The following GALNT17 variants were observed in gnomAD, a reference collection of about 807,000 sequenced individuals.
The protein encoded by GALNT17 is UDP-GalNAc:polypeptide N-acetylgalactosaminyltransferase-like 3.
In GALNT17, 29 loss-of-function variants were observed where a neutral mutation model predicts 63.7. That is an observed-to-expected ratio of 0.46 (90% CI 0.34 to 0.62). The LOEUF (loss-of-function observed/expected upper bound fraction) is 0.62, where lower values mean the gene tolerates loss of function less well. Among genes scored for constraint, GALNT17 ranks in the 20% least tolerant of loss-of-function variants. The pLI is 0.01. For missense variants in GALNT17, 603 were observed against 799.6 expected, an observed-to-expected ratio of 0.75 and a Z score of 2.97; for synonymous variants, 305 against 318.3, an observed-to-expected ratio of 0.96 and a Z score of 0.45.
At chr7:71,424,910 C>T (rs1786730975) in intron 5 of GALNT17, among the ~76,000 whole-genome samples, 1 of 152,174 alleles carries the variant, frequency 6.6e-6, no homozygotes, top group Non-Finnish European at 1.5e-5. Context: ...TCCCGGTAAG[C>T]AACATAATAT....
chr7:71,282,002 C>G (rs961523661), intron 1 of GALNT17, among the ~76,000 whole-genome samples: 5 of 152,176 alleles, frequency 3.3e-5, no homozygotes, highest in African/African-American at 1.2e-4. Context: ...TGTGTTAACT[C>G]TTTCTTCCTC....
intron 1 of GALNT17, among the ~76,000 whole-genome samples, chr7:71,233,167 C>T (rs765935451): frequency 2.6e-5 from 4 of 152,192 alleles, no homozygotes; most frequent in African/African-American, 4.8e-5. Context: ...CACTCCTGTT[C>T]CTCCATCTTT....
intron 1 of GALNT17, among the ~76,000 whole-genome samples, chr7:71,233,966 A>G (rs1216318807): frequency 6.6e-6 from 1 of 152,122 alleles, no homozygotes; most frequent in Non-Finnish European, 1.5e-5. Context: ...GGTGCCACAC[A>G]CTTTTAAACA....
chr7:71,275,638 C>A (rs1004163832), intron 1 of GALNT17, among the ~76,000 whole-genome samples: 1 of 152,150 alleles, frequency 6.6e-6, no homozygotes, highest in African/African-American at 2.4e-5. Flanking sequence ...ATGGGGGACA[C>A]AAATAGCTAG....
At chr7:71,259,108 G>C (rs1226732744) in intron 1 of GALNT17, among the ~76,000 whole-genome samples, 1 of 152,170 alleles carries the variant, frequency 6.6e-6, no homozygotes, top group African/African-American at 2.4e-5. Context: ...GACCTAGGTT[G>C]AGTTCATGGG....
chr7:71,695,467 A>C (rs975046709), intron 9 of GALNT17, among the ~76,000 whole-genome samples: 1 of 152,156 alleles, frequency 6.6e-6, no homozygotes, highest in African/African-American at 2.4e-5. Context: ...CTCTGCAGGA[A>C]CCATCTGGTT....
intron 9 of GALNT17, among the ~76,000 whole-genome samples, chr7:71,692,103 G>A (rs914604746): frequency 6.6e-6 from 1 of 151,948 alleles, no homozygotes; most frequent in African/African-American, 2.4e-5. Flanking sequence ...TAGAGATGGG[G>A]TCTCGCTATG....
At chr7:71,134,966 C>T (rs1446591781) in intron 1 of GALNT17, among the ~76,000 whole-genome samples, 1 of 147,078 alleles carries the variant, frequency 6.8e-6, no homozygotes, top group Non-Finnish European at 1.5e-5. Context: ...ATTCTCTGGC[C>T]TTAGCCTCCC....
chr7:71,147,296 A>C (rs1016620466), intron 1 of GALNT17, among the ~76,000 whole-genome samples: 1 of 152,182 alleles, frequency 6.6e-6, no homozygotes, highest in African/African-American at 2.4e-5. Flanking sequence ...AGCCTGTCCA[A>C]GTCCCCAAAC....
At chr7:71,643,308 A>G (rs1189758474) in intron 6 of GALNT17, among the ~76,000 whole-genome samples, 1 of 152,060 alleles carries the variant, frequency 6.6e-6, no homozygotes, top group East Asian at 1.9e-4. Context: ...TCTCTACTAA[A>G]AATACAAAAC....
chr7:71,566,891 G>A (rs73702212), intron 5 of GALNT17, among the ~76,000 whole-genome samples: 4,095 of 152,110 alleles, frequency 0.027, 199 homozygotes, highest in African/African-American at 0.093. Context: ...TCACCCCCAC[G>A]TCCATGTAGT....
intron 1 of GALNT17, among the ~76,000 whole-genome samples, chr7:71,266,319 G>A (rs934432793): frequency 1.3e-5 from 2 of 152,116 alleles, no homozygotes; most frequent in Non-Finnish European, 2.9e-5. Context: ...GAGGGGCCTG[G>A]TGGGATGTGA....
At chr7:71,258,786 AC>A (rs1297868687) in intron 1 of GALNT17, among the ~76,000 whole-genome samples, 3 of 152,240 alleles carry the variant, frequency 2.0e-5, no homozygotes, top group East Asian at 1.9e-4. Flanking sequence ...CTGGAAAAAA[AC>A]ATTACCATCT....
At chr7:71,657,476 C>T (rs1251092274) in intron 6 of GALNT17, among the ~76,000 whole-genome samples, 1 of 152,164 alleles carries the variant, frequency 6.6e-6, no homozygotes, top group East Asian at 1.9e-4. Flanking sequence ...CCTCTTTCCT[C>T]CCTGGCTGCC....
intron 1 of GALNT17, among the ~76,000 whole-genome samples, chr7:71,282,643 C>CCTCAGGACATCCTGAGTCCTATGGA (rs371530403): frequency 1.8e-4 from 28 of 152,022 alleles, no homozygotes; most frequent in Non-Finnish European, 2.5e-4. Flanking sequence ...TGAAGAATGT[C>CCTCAGGACATCCTGAGTCCTATGGA]CTCAGGACAT....
At chr7:71,472,634 C>T (rs184578873) in intron 5 of GALNT17, among the ~76,000 whole-genome samples, 11 of 152,222 alleles carry the variant, frequency 7.2e-5, no homozygotes, top group East Asian at 3.9e-4. Flanking sequence ...TTCAGTGAGC[C>T]GAGATCGTGT....
chr7:71,545,301 G>T (rs980946749), intron 5 of GALNT17, among the ~76,000 whole-genome samples: 1 of 152,062 alleles, frequency 6.6e-6, no homozygotes, highest in South Asian at 2.1e-4. Flanking sequence ...TATGGTTTTT[G>T]ACTCCTATTT....
At chr7:71,489,621 C>G (rs1787973159) in intron 5 of GALNT17, among the ~76,000 whole-genome samples, 1 of 152,212 alleles carries the variant, frequency 6.6e-6, no homozygotes, top group African/African-American at 2.4e-5. Context: ...GCTCAAGAGC[C>G]TGAAGGAGAG....
At chr7:71,527,297 A>T (rs1410455696) in intron 5 of GALNT17, among the ~76,000 whole-genome samples, 1 of 152,230 alleles carries the variant, frequency 6.6e-6, no homozygotes, top group Non-Finnish European at 1.5e-5. Context: ...TAGGCAATAC[A>T]AATTCAGAGA....
Sources: allele counts gnomAD v4.1 joint callset (sites outside exome capture counted in the v4.1 genomes callset), GRCh38; gene constraint gnomAD v4.1.1; transcripts MANE v1.5; gene names NCBI Gene and HGNC (gene_info 2026-07-23, HGNC 2026-07-21).